NDUFA12: variants seen among roughly 807,000 people sequenced by gnomAD.
NDUFA12 encodes NADH:ubiquinone oxidoreductase subunit A12.
In NDUFA12, 17 loss-of-function variants were observed where a neutral mutation model predicts 20.3. The observed-to-expected ratio is 0.84, with a 90% CI of 0.57 to 1.26. NDUFA12 has a LOEUF of 1.26. Among genes scored for constraint, NDUFA12 ranks in the 50% most tolerant of loss-of-function variants. The pLI is 0.00. For synonymous variants in NDUFA12, 72 were observed against 63.6 expected, an observed-to-expected ratio of 1.13 and a Z score of -0.63; for missense variants, 191 against 183.7, an observed-to-expected ratio of 1.04 and a Z score of -0.23.
chr12:94,979,999 G>A (rs61935734), intron 3 of NDUFA12, among the ~76,000 whole-genome samples: 19,015 of 151,976 alleles, frequency 0.13, 1,945 homozygotes, highest in African/African-American at 0.28. Context: ...ATTTCATATT[G>A]CCAAATCACA....
chr12:94,987,523 G>A (rs1451798549), intron 3 of NDUFA12, among the ~76,000 whole-genome samples: 1 of 152,014 alleles, frequency 6.6e-6, no homozygotes, highest in Admixed American at 6.6e-5. Flanking sequence ...AGGCACGGCT[G>A]GGTGTGGTGG....
At chr12:95,003,359 G>A (rs914775301) in intron 1 of NDUFA12, among the ~76,000 whole-genome samples, 12 of 152,176 alleles carry the variant, frequency 7.9e-5, no homozygotes, top group African/African-American at 2.9e-4. Flanking sequence ...GAAAAGAGGG[G>A]AGCCCAGATG....
intron 2 of NDUFA12, among the ~76,000 whole-genome samples, chr12:95,000,273 T>C (rs188097013): frequency 9.4e-4 from 143 of 152,176 alleles, no homozygotes; most frequent in Admixed American, 1.4e-3. Flanking sequence ...GGAACTAAGC[T>C]ATGAGGATGC....
chr12:94,984,710 T>C (rs1414548440), intron 3 of NDUFA12, among the ~76,000 whole-genome samples: 1 of 36,206 alleles, frequency 2.8e-5, no homozygotes, highest in South Asian at 1.2e-3. Flanking sequence ...CTAATGCTAA[T>C]AGCCAAAAAA....
chr12:94,994,729 T>C (rs1874760565), intron 2 of NDUFA12, among the ~76,000 whole-genome samples: 1 of 152,242 alleles, frequency 6.6e-6, no homozygotes, highest in Admixed American at 6.5e-5. Context: ...GTGAATTATA[T>C]ACAATAAGCA....
intron 3 of NDUFA12, among the ~76,000 whole-genome samples, chr12:94,980,246 A>G (rs967305999): frequency 3.3e-5 from 5 of 152,110 alleles, no homozygotes; most frequent in African/African-American, 1.2e-4. Context: ...CACACTTACT[A>G]TGTCCAAAAA....
intron 1 of NDUFA12, 57 bp downstream of exon 1, chr12:95,003,538 A>T: frequency 4.4e-6 from 7 of 1,576,776 alleles, no homozygotes; most frequent in Non-Finnish European, 6.1e-6. Context: ...CCCTTCCAAG[A>T]AATCAGCCAG....
intron 3 of NDUFA12, among the ~76,000 whole-genome samples, chr12:94,979,197 C>T (rs957116634): frequency 6.6e-6 from 1 of 152,034 alleles, no homozygotes; most frequent in Non-Finnish European, 1.5e-5. Flanking sequence ...CTGTGAATAG[C>T]TCCTGTACTC....
intron 3 of NDUFA12, chr12:94,972,346 G>A (rs1873915966): frequency 1.1e-5 from 4 of 351,992 alleles, no homozygotes; most frequent in South Asian, 8.5e-5. Context: ...ATTATAATAT[G>A]TATCCTAATT....
intron 3 of NDUFA12, among the ~76,000 whole-genome samples, chr12:94,980,384 C>G (rs1016467365): frequency 3.2e-4 from 49 of 152,248 alleles, no homozygotes; most frequent in African/African-American, 9.1e-4. Context: ...ATCCTTGATT[C>G]TTCTCTATCG....
At chr12:94,989,026 G>C (rs944394086) in intron 3 of NDUFA12, among the ~76,000 whole-genome samples, 4 of 152,108 alleles carry the variant, frequency 2.6e-5, no homozygotes, top group Admixed American at 6.6e-5. Context: ...TCTTTGAACA[G>C]ACCAAGCAAT....
Position 95,002,437 on chromosome 12 carries a change from CAAAAAAAAAAAAAAAA to C in NDUFA12, c.169+286_169+301del, listed in dbSNP as rs71075895. 9.3e-4 allele frequency among the ~76,000 whole-genome samples: 59 copies of C among 63,624 alleles called. 5 individuals carry two copies. Among genetic ancestry groups the C allele is most frequent in the Middle Eastern group, 0.02 (2 of 98 alleles). 41.7% of individuals were successfully genotyped at this position (63,624 alleles called of 152,430 possible). A position where few individuals can be genotyped will look rare whatever the true frequency, so the allele number is the denominator to read the frequency against. On this transcript the variant is annotated intron_variant, in intron 2 of 3. Coordinates refer to ENST00000327772, the MANE Select transcript of NDUFA12 (RefSeq NM_018838.5). ...AGCCTGGCCGACAGAGACTCCATCT[CAAAAAAAAAAAAAAAA>C]AAAAAAAAAAAGAACAAAAACACTT...
At chr12:94,979,260 A>G (rs1219670761) in intron 3 of NDUFA12, among the ~76,000 whole-genome samples, 1 of 152,156 alleles carries the variant, frequency 6.6e-6, no homozygotes, top group Non-Finnish European at 1.5e-5. Context: ...CCCCCAAAAC[A>G]TTCTTTCTCT....
At chr12:94,995,832 C>G (rs993107529) in intron 2 of NDUFA12, among the ~76,000 whole-genome samples, 2 of 151,992 alleles carry the variant, frequency 1.3e-5, no homozygotes, top group Non-Finnish European at 2.9e-5. Flanking sequence ...TCGATAGTAA[C>G]AGGATTGAAG....
intron 3 of NDUFA12, among the ~76,000 whole-genome samples, chr12:94,977,716 T>C (rs970767606): frequency 1.3e-5 from 2 of 152,206 alleles, no homozygotes; most frequent in African/African-American, 4.8e-5. Context: ...AAAATGTATA[T>C]GTACATCCAT....
At chr12:94,990,586 C>A (rs973333860) in intron 3 of NDUFA12, among the ~76,000 whole-genome samples, 1 of 152,100 alleles carries the variant, frequency 6.6e-6, no homozygotes, top group African/African-American at 2.4e-5. Flanking sequence ...CCATGCCTGG[C>A]TAATTTTCTA....
intron 2 of NDUFA12, among the ~76,000 whole-genome samples, chr12:94,994,941 A>T (rs1015006014): frequency 6.6e-6 from 1 of 152,140 alleles, no homozygotes; most frequent in Non-Finnish European, 1.5e-5. Flanking sequence ...TATGAGCCTC[A>T]GTTTCTTTAT....
intron 3 of NDUFA12, among the ~76,000 whole-genome samples, chr12:94,974,078 T>C (rs1457699602): frequency 6.6e-6 from 1 of 151,480 alleles, no homozygotes; most frequent in Non-Finnish European, 1.5e-5. Context: ...CTCAAGTGAT[T>C]CTCCTGCCTC....
chr12:94,971,414 C>T lies in NDUFA12; in HGVS notation c.*26G>A. Reference sequence around the variant, plus strand: ...ATTACATGAAAAGCTCCATATTTTGCATGTTTCAACTGTTCTTCATTGTCT... The same window carrying T: ...ATTACATGAAAAGCTCCATATTTTGTATGTTTCAACTGTTCTTCATTGTCT... On this transcript the variant is annotated 3_prime_UTR_variant, in exon 4 of 4. Transcript: ENST00000327772. 1 of 1,607,714 alleles carries T rather than the reference C, an allele frequency of 6.2e-7. No homozygotes were observed. The highest frequency in any genetic ancestry group is 2.2e-5 in the East Asian group (1 of 44,854).
Sources: gnomAD v4.1 joint callset for allele counts (sites outside exome capture counted in the v4.1 genomes callset) on GRCh38, gnomAD v4.1.1 for gene constraint, MANE v1.5 for transcripts, NCBI Gene and HGNC (gene_info 2026-07-23, HGNC 2026-07-21) for gene names.